Variants in LCP1 observed in about 807,000 individuals in gnomAD.
LCP1 encodes the protein plastin-2.
In LCP1, 23 loss-of-function variants were observed where a neutral mutation model predicts 72.0. The observed-to-expected ratio is 0.32, with a 90% confidence interval of 0.23 to 0.45. The LOEUF (loss-of-function observed/expected upper bound fraction) is 0.45. LCP1 is among the 20% of genes least tolerant of loss of function. The pLI, the probability that LCP1 is intolerant of heterozygous loss-of-function variation, is 1.00. For synonymous variants in LCP1, 245 were observed against 275.4 expected (o/e 0.89, Z 1.09); for missense variants, 571 against 748.3 (o/e 0.76, Z 2.76).
chr13:46,172,204 C>T (rs1049215619), intron 1 of LCP1, among the ~76,000 whole-genome samples: 15 of 152,146 alleles, frequency 9.9e-5, no homozygotes, highest in East Asian at 9.6e-4. Flanking sequence ...CTCTGCAGGG[C>T]GAGGCATGGT....
At chr13:46,166,806 A>C (rs1328545051) in intron 1 of LCP1, among the ~76,000 whole-genome samples, 1 of 152,230 alleles carries the variant, frequency 6.6e-6, no homozygotes, top group Non-Finnish European at 1.5e-5. Flanking sequence ...TTCATTTTAT[A>C]AAGTAGACCA....
intron 6 of LCP1, 110 bp from the exon 7 acceptor site, chr13:46,153,055 G>T: frequency 1.9e-6 from 2 of 1,047,354 alleles, no homozygotes; most frequent in Non-Finnish European, 1.4e-6. Context: ...CAGGTTTAGA[G>T]TCATGGTCTT....
chr13:46,145,548 G>A (rs941840390), intron 10 of LCP1, among the ~76,000 whole-genome samples: 2 of 151,952 alleles, frequency 1.3e-5, no homozygotes, highest in African/African-American at 4.8e-5. Context: ...GATATAGTAG[G>A]ATCCAAGCTC....
At chr13:46,176,577 A>G (rs78719940) in intron 1 of LCP1, among the ~76,000 whole-genome samples, 256 of 152,344 alleles carry the variant, frequency 1.7e-3, no homozygotes, top group Non-Finnish European at 2.6e-3. Context: ...ATTTGGATAC[A>G]TAGCTTGGAT....
chr13:46,127,440 G>GA lies in LCP1; in HGVS notation c.*150dup. 1 of 867,960 alleles carries GA rather than the reference G, an allele frequency of 1.2e-6. No homozygotes were observed. Among genetic ancestry groups the GA allele is most frequent in the Non-Finnish European group, 1.7e-6 (1 of 576,984 alleles). The allele number at this position is 867,960 out of a possible 1,614,324, so 53.8% of individuals were successfully genotyped here. Reference sequence around the variant, plus strand: ...ATGAAGCACTTTTTGTTAAATACAGGAGAGGCTACTTGGCTGCACTAATAT... The same window carrying GA: ...ATGAAGCACTTTTTGTTAAATACAGGAAGAGGCTACTTGGCTGCACTAATAT... On this transcript the variant is annotated 3_prime_UTR_variant, in exon 16 of 16. Coordinates refer to ENST00000323076, the MANE Select transcript of LCP1 (RefSeq NM_002298.5).
intron 1 of LCP1, among the ~76,000 whole-genome samples, chr13:46,163,629 C>G (rs1337019666): frequency 9.2e-6 from 1 of 108,646 alleles, no homozygotes; most frequent in Non-Finnish European, 1.8e-5. Flanking sequence ...CAAGAATGAT[C>G]AATTAAAAAA....
chr13:46,144,368 T>A, intron 11 of LCP1, 74 bp downstream of exon 11: 1 of 1,127,088 alleles, frequency 8.9e-7, no homozygotes, highest in South Asian at 1.3e-5. Context: ...ATGCACATCA[T>A]AGTGGTATTT....
intron 1 of LCP1, among the ~76,000 whole-genome samples, chr13:46,178,960 A>G (rs1199560276): frequency 6.6e-6 from 1 of 152,220 alleles, no homozygotes; most frequent in Non-Finnish European, 1.5e-5. Flanking sequence ...TGTACTCTTT[A>G]GGTAACAAGG....
At position 46,158,571 on chromosome 13, in the gene LCP1, G is replaced by A. The variant is rs777617024; in HGVS notation, c.309C>T (p.Ile103=). The change falls in exon 4 of 16, where the codon ATC becomes ATT. Residue 103 remains isoleucine, a synonymous_variant. Transcript: ENST00000323076. The part of the protein sequence containing the change: ...AINKKEGICA[I]GGTSEQSSVG... ...CGCTAGACTGCTCTGAAGTACCACC[G>A]ATTGCACAAATCCCTTCCTTCTTAT... 7 of 1,614,112 alleles carry A rather than the reference G, an allele frequency of 4.3e-6. No homozygotes were observed. The highest frequency in any genetic ancestry group is 1.7e-5 in the Admixed American group (1 of 60,032).
chr13:46,167,843 T>A (rs1332156286), intron 1 of LCP1, among the ~76,000 whole-genome samples: 2 of 152,152 alleles, frequency 1.3e-5, no homozygotes, highest in Non-Finnish European at 2.9e-5. Flanking sequence ...CAGTTAAATA[T>A]CAAGTTTCAA....
chr13:46,125,944 A>G lies in LCP1; in HGVS notation c.*1647T>C. 5.4e-6 allele frequency: 1 copy of G among 186,144 alleles called. No homozygotes were observed. Among genetic ancestry groups the G allele is most frequent in the Non-Finnish European group, 1.1e-5 (1 of 87,792 alleles). 11.5% of individuals were successfully genotyped at this position (186,144 alleles called of 1,614,324 possible). The stretch of plus-strand genomic sequence containing the variant: ...CTAATATAGGGAACATTTTATTTGG[A>G]AAGATTTTGAGCATCATTCTCTTTT... On this transcript the variant is annotated 3_prime_UTR_variant, in exon 16 of 16. Coordinates refer to ENST00000323076, the MANE Select transcript of LCP1 (RefSeq NM_002298.5).
At chr13:46,170,531 T>C (rs1481092129) in intron 1 of LCP1, among the ~76,000 whole-genome samples, 2 of 152,124 alleles carry the variant, frequency 1.3e-5, no homozygotes, top group African/African-American at 4.8e-5. Context: ...AAAGGAACCT[T>C]GGAGACAGAG....
At chr13:46,171,316 T>G (rs2045903365) in intron 1 of LCP1, among the ~76,000 whole-genome samples, 2 of 152,168 alleles carry the variant, frequency 1.3e-5, no homozygotes, top group African/African-American at 4.8e-5. Flanking sequence ...ATCTCGAGTT[T>G]CCCTGCCATC....
chr13:46,131,174 T>C (rs1277696233), intron 14 of LCP1, among the ~76,000 whole-genome samples: 2 of 151,994 alleles, frequency 1.3e-5, no homozygotes, highest in Non-Finnish European at 2.9e-5. Flanking sequence ...AAATAATAAA[T>C]GGAAGGAAGT....
At chr13:46,161,626 A>G (rs976974355) in intron 1 of LCP1, among the ~76,000 whole-genome samples, 4 of 151,706 alleles carry the variant, frequency 2.6e-5, no homozygotes, top group Non-Finnish European at 5.9e-5. Flanking sequence ...CTTTTTCAGA[A>G]TGCCTTTTTC....
chr13:46,154,938 C>T, intron 5 of LCP1, 52 bp from the exon 6 acceptor site: 1 of 1,366,958 alleles, frequency 7.3e-7, no homozygotes, highest in Non-Finnish European at 1.0e-6. Flanking sequence ...ATAACAGAGC[C>T]CAGTAACGTT....
intron 1 of LCP1, among the ~76,000 whole-genome samples, chr13:46,165,423 G>C (rs2045870996): frequency 6.6e-6 from 1 of 151,860 alleles, no homozygotes; most frequent in Admixed American, 6.6e-5. Flanking sequence ...ACGCATATTT[G>C]AAAATATGGG....
At chr13:46,134,084 C>A (rs1463078216) in intron 14 of LCP1, 43 bp downstream of exon 14, 27 of 1,604,114 alleles carry the variant, frequency 1.7e-5, no homozygotes, top group Non-Finnish European at 2.3e-5. Context: ...TACAGATAGG[C>A]ATAGAGCTCA....
intron 15 of LCP1, 34 bp downstream of exon 15, chr13:46,130,780 C>A (rs779028928): frequency 6.2e-7 from 1 of 1,611,746 alleles, no homozygotes; most frequent in Non-Finnish European, 8.5e-7. Context: ...TGGGTCCTTC[C>A]CTCCCAATCT....
Sources: allele counts gnomAD v4.1 joint callset (sites outside exome capture counted in the v4.1 genomes callset), GRCh38; gene constraint gnomAD v4.1.1; transcripts MANE v1.5; gene names NCBI Gene and HGNC (gene_info 2026-07-23, HGNC 2026-07-21).